ERCC6L2: variants seen among roughly 807,000 people sequenced by gnomAD.
ERCC6L2 encodes the protein ERCC excision repair 6 like 2, also known as DNA excision repair protein ERCC-6-like 2.
A neutral mutation model predicts 132.0 loss-of-function variants in ERCC6L2; 77 were observed. The observed-to-expected ratio is 0.58, with a 90% CI of 0.49 to 0.71. The LOEUF is 0.71. ERCC6L2 is among the 30% of genes least tolerant of loss of function. ERCC6L2 has a pLI of 0.00. For synonymous variants in ERCC6L2, 583 were observed against 632.4 expected (o/e 0.92, Z 1.17); for missense variants, 1,542 against 1,837.6 (o/e 0.84, Z 2.94).
intron 17 of ERCC6L2, among the ~76,000 whole-genome samples, chr9:95,996,368 A>G (rs1008236857): frequency 6.6e-6 from 1 of 152,276 alleles, no homozygotes; most frequent in African/African-American, 2.4e-5. Flanking sequence ...AGCTGTCTCC[A>G]TAGCAGCAGC....
At chr9:95,960,020 G>A (rs966585610) in intron 13 of ERCC6L2, among the ~76,000 whole-genome samples, 2 of 152,050 alleles carry the variant, frequency 1.3e-5, no homozygotes, top group Admixed American at 6.6e-5. Flanking sequence ...GTAACAAGAC[G>A]GTTTAGCCCT....
rs999691199 is a variant in ERCC6L2, at chr9:95,966,303, A to G, written c.1948-259A>G. Among the ~76,000 whole-genome samples, 8 of 152,338 alleles carry G rather than the reference A, an allele frequency of 5.3e-5. No individual in the cohort carries two copies. In the East Asian group the frequency reaches 1.3e-3, roughly 26 times the overall value. ...AACATTTATGTCAGGTGGATATTCT[A>G]TAGAGATGTAATCTTGACTCAGTTG... On this transcript the variant is annotated intron_variant, in intron 13 of 18. Transcript: ENST00000653738.
intron 12 of ERCC6L2, among the ~76,000 whole-genome samples, chr9:95,953,882 C>A (rs7043426): frequency 0.024 from 3,679 of 152,018 alleles, 130 homozygotes; most frequent in African/African-American, 0.074. Flanking sequence ...GCCATCTAAC[C>A]AATAACAATG....
rs767745101 is a variant in ERCC6L2 at position 96,015,015 on chromosome 9, GTTTTTT to G, written c.*1832_*1837del. Among the ~76,000 whole-genome samples the G allele has an allele frequency of 1.5e-5, 1 of 65,428 alleles. No individual in the cohort carries two copies. 42.9% of individuals were successfully genotyped at this position (65,428 alleles called of 152,430 possible). ...GCTCTATAGTCTTCATATATGTACA[GTTTTTT>G]TTTTTTTTTTTTTTTTTTTGAGATT... is the stretch of plus-strand genomic sequence containing the variant. On this transcript the variant is annotated 3_prime_UTR_variant, in exon 19 of 19. Coordinates refer to ENST00000653738, the MANE Select transcript of ERCC6L2 (RefSeq NM_020207.7).
At chr9:95,999,563 C>T (rs1456272128) in intron 17 of ERCC6L2, among the ~76,000 whole-genome samples, 1 of 152,132 alleles carries the variant, frequency 6.6e-6, no homozygotes, top group East Asian at 1.9e-4. Flanking sequence ...CATTGCAAGA[C>T]CCAGAGTAAA....
chr9:95,996,833 G>A (rs558304768), intron 17 of ERCC6L2, among the ~76,000 whole-genome samples: 2 of 152,326 alleles, frequency 1.3e-5, no homozygotes, highest in Non-Finnish European at 2.9e-5. Context: ...ACCCAAGAGA[G>A]AGATGGAAAT....
chr9:95,970,659 A>T lies in ERCC6L2; in HGVS notation c.2181+3A>T. ...CTCCAGCACACAAACTGGAAATGGTATGTAATATTTGAACCTGTAGACTAC... is the reference window on the plus strand; with the variant it reads ...CTCCAGCACACAAACTGGAAATGGTTTGTAATATTTGAACCTGTAGACTAC... On this transcript the variant is annotated splice_donor_region_variant and intron_variant, in intron 15 of 18. Coordinates refer to ENST00000653738, the MANE Select transcript of ERCC6L2 (RefSeq NM_020207.7). 7.7e-7 allele frequency: 1 copy of T among 1,303,178 alleles called. No individual in the cohort carries two copies. The allele number at this position is 1,303,178 out of a possible 1,614,324, so 80.7% of individuals were successfully genotyped here.
At chr9:95,916,075 C>A (rs767619399) in intron 5 of ERCC6L2, 152 bp from the exon 6 acceptor site, 4 of 810,572 alleles carry the variant, frequency 4.9e-6, no homozygotes, top group Admixed American at 2.8e-5. Flanking sequence ...TAGTTAGAAC[C>A]TGAAACTGTC....
chr9:96,010,807 A>G (rs1410542169), intron 18 of ERCC6L2, among the ~76,000 whole-genome samples: 1 of 152,036 alleles, frequency 6.6e-6, no homozygotes, highest in Non-Finnish European at 1.5e-5. Flanking sequence ...TAAACTGTAA[A>G]CTCCTTGAAG....
chr9:95,900,459 AGTCT>A (rs1828715691), intron 3 of ERCC6L2, among the ~76,000 whole-genome samples: 1 of 151,490 alleles, frequency 6.6e-6, no homozygotes, highest in Non-Finnish European at 1.5e-5. Context: ...TTTTTTCGTT[AGTCT>A]TTTCTAAATT....
intron 17 of ERCC6L2, among the ~76,000 whole-genome samples, chr9:96,000,193 C>T (rs1423397004): frequency 6.6e-6 from 1 of 152,024 alleles, no homozygotes; most frequent in Non-Finnish European, 1.5e-5. Context: ...GGCCAAGATA[C>T]AATTTTTTAA....
At chr9:95,927,742 T>C (rs1008551431) in intron 9 of ERCC6L2, among the ~76,000 whole-genome samples, 1 of 152,198 alleles carries the variant, frequency 6.6e-6, no homozygotes, top group Non-Finnish European at 1.5e-5. Flanking sequence ...TCTTAGCATA[T>C]TGTAGGTATA....
chr9:96,001,281 G>C (rs572228528), intron 17 of ERCC6L2, among the ~76,000 whole-genome samples: 4 of 152,152 alleles, frequency 2.6e-5, no homozygotes, highest in African/African-American at 9.7e-5. Flanking sequence ...ATGCTGGCTC[G>C]GGCAGCCTGC....
chr9:96,007,902 G>T (rs1055070231), intron 18 of ERCC6L2, among the ~76,000 whole-genome samples: 2 of 152,122 alleles, frequency 1.3e-5, no homozygotes, highest in East Asian at 3.8e-4. Flanking sequence ...TTCCTGCAGG[G>T]GTTTGGCGAC....
In ERCC6L2 at chr9:95,881,871, A is replaced by T. The variant is rs572058355; in HGVS notation, c.471+578A>T. ...TGTTTCTGTATAACAAATTATGCCA[A>T]ATTTAGCAGCTTAAAACAATATTCA... On this transcript the variant is annotated intron_variant, in intron 2 of 18. Transcript: ENST00000653738. Among the ~76,000 whole-genome samples, 59 of 152,330 alleles carry T rather than the reference A, an allele frequency of 3.9e-4. No homozygotes were observed. In the South Asian group the frequency reaches 0.012, roughly 31 times the overall value.
rs746685635 is a variant in ERCC6L2 at position 96,012,770 on chromosome 9, C to A, written c.4220C>A (p.Thr1407Lys). Residue 1407 changes from threonine to lysine, a missense_variant, in exon 19 of 19, where the codon ACA becomes AAA. Physicochemically the swap from Thr to Lys is moderately conservative, Grantham distance 78 (BLOSUM62 -1). Around this residue, in one of 4 missense-constraint regions of ERCC6L2, gnomAD observed 442 missense variants for 583.4 expected, o/e 0.76. Transcript: ENST00000653738. ...ENTMKDQQDLTRTGISRKEPL... is the reference protein window; with the variant it reads ...ENTMKDQQDLKRTGISRKEPL... ...ACCATGAAAGACCAACAGGACCTCACAAGAACGGGCATTTCAAGAAAAGAA... is the reference window on the plus strand; with the variant it reads ...ACCATGAAAGACCAACAGGACCTCAAAAGAACGGGCATTTCAAGAAAAGAA... The A allele has an allele frequency of 5.9e-6, 8 of 1,367,440 alleles. No homozygotes were observed. Among genetic ancestry groups the A allele is most frequent in the Non-Finnish European group, 7.8e-6 (8 of 1,021,828 alleles). The allele number at this position is 1,367,440 out of a possible 1,614,324, so 84.7% of individuals were successfully genotyped here.
chr9:95,922,309 A>G lies in ERCC6L2; in HGVS notation c.1304A>G (p.Asn435Ser), dbSNP rs141894834. The stretch of plus-strand genomic sequence containing the variant: ...TCTATATTTTTCTGGTTACAGACCA[A>G]TTCTCATGGTGAAACAGTGAAAACC... ...QKRRNCCYKTNSHGETVKTLY... is the reference protein window; with the variant it reads ...QKRRNCCYKTSSHGETVKTLY... The change falls in exon 8 of 19, where the codon AAT becomes AGT. Residue 435 changes from asparagine to serine, a missense_variant. Asn to Ser is a conservative substitution (Grantham distance 46). This residue lies in a region of ERCC6L2 where 945 missense variants were observed against 1,105.2 expected (regional missense o/e 0.86). Transcript: ENST00000653738. 2.4e-5 allele frequency: 38 copies of G among 1,596,574 alleles called. No homozygotes were observed. The African/African-American group carries it at 4.4e-4, about 19-fold the overall frequency.
At chr9:95,935,071 A>C (rs534521015) in intron 11 of ERCC6L2, among the ~76,000 whole-genome samples, 4 of 152,284 alleles carry the variant, frequency 2.6e-5, no homozygotes, top group South Asian at 2.1e-4. Context: ...ATGGACCCTT[A>C]ATGTGCAGCA....
At chr9:95,877,121 A>G (rs1182269535) in intron 1 of ERCC6L2, 2 of 152,232 alleles carry the variant, frequency 1.3e-5, no homozygotes, top group Admixed American at 6.5e-5. Context: ...GTTGGTAATT[A>G]GTTTAAACCA....
Sources: gnomAD v4.1 joint callset for allele counts (sites outside exome capture counted in the v4.1 genomes callset) on GRCh38, gnomAD v4.1.1 for gene constraint, gnomAD v4.1.1 regional missense constraint, MANE v1.5 for transcripts, NCBI Gene and HGNC (gene_info 2026-07-23, HGNC 2026-07-21) for gene names.